The following CCDC22 variants were observed in gnomAD, a reference collection of about 807,000 sequenced individuals.
The protein encoded by CCDC22 is coiled-coil domain-containing protein 22.
A neutral mutation model predicts 53.1 loss-of-function variants in CCDC22; 4 were observed. The observed-to-expected ratio is 0.08, with a 90% CI of 0.04 to 0.17. The LOEUF (loss-of-function observed/expected upper bound fraction) is 0.17. CCDC22 is among the 10% of genes least tolerant of loss of function. The pLI is 1.00. For missense variants in CCDC22, 458 were observed against 554.0 expected (o/e 0.83, Z 1.74); for synonymous variants, 222 against 224.4 (o/e 0.99, Z 0.10).
intron 1 of CCDC22, among the ~76,000 whole-genome samples, chrX:49,236,552 C>T (rs1557112750): frequency 9.0e-6 from 1 of 110,786 alleles, no homozygotes; most frequent in African/African-American, 3.3e-5. Context: ...ATTTGGTCAC[C>T]CTGACGCACG....
At chrX:49,239,473 C>T in intron 2 of CCDC22, 7 of 740,935 alleles carry the variant, frequency 9.4e-6, no homozygotes, top group Non-Finnish European at 1.1e-5. Context: ...TGAATGGAAA[C>T]ACTTTGAACT....
chrX:49,237,759 C>G (rs1194629598), intron 2 of CCDC22, among the ~76,000 whole-genome samples: 2 of 94,141 alleles, frequency 2.1e-5, no homozygotes, highest in Non-Finnish European at 4.3e-5. Flanking sequence ...ATGGTCATTC[C>G]TTTTTTTTTT....
Position 49,242,899 on chromosome X carries a change from T to C in CCDC22, c.375T>C (p.Ile125=). Residue 125 remains isoleucine (I), a synonymous_variant, in exon 4 of 17, where the codon ATT becomes ATC. Transcript: ENST00000376227. ...TATCCCCCATAGGTGACTCAGCTAT[T>C]CTCCTCCGGGCCATTGGGAGCCAAA... The part of the protein sequence containing the change: ...DADQPAGDSA[I]LLRAIGSQIR... The C allele has an allele frequency of 1.7e-6, 2 of 1,146,477 alleles. No homozygotes were observed. Among genetic ancestry groups the C allele is most frequent in the South Asian group, 4.2e-5 (2 of 47,422 alleles). The allele number at this position is 1,146,477 out of a possible 1,213,427, so 94.5% of individuals were successfully genotyped here. A position where few individuals can be genotyped will look rare whatever the true frequency, so the allele number is the denominator to read the frequency against.
chrX:49,239,279 C>T (rs1384654163), intron 2 of CCDC22: 1 of 155,279 alleles, frequency 6.4e-6, no homozygotes, highest in Non-Finnish European at 1.1e-5. Context: ...GCGTCTGGCT[C>T]TCTTAACCTT....
chrX:49,235,859 A>G (rs868965690), intron 1 of CCDC22, among the ~76,000 whole-genome samples, 173 bp downstream of exon 1: 17 of 75,461 alleles, frequency 2.3e-4, no homozygotes, highest in Non-Finnish European at 4.1e-4. Flanking sequence ...ACACACACAC[A>G]CACACGCACA....
intron 7 of CCDC22, chrX:49,247,193 T>C: frequency 2.3e-6 from 1 of 436,740 alleles, no homozygotes; most frequent in Non-Finnish European, 4.0e-6. Context: ...CCTTTGAGCA[T>C]ATCTTCTGTC....
chrX:49,248,464 C>T lies in CCDC22; in HGVS notation c.1270C>T (p.His424Tyr), dbSNP rs1475067406. ...VIHLAGQWEK[H>Y]RVPLLAEYRH... ...CCACTTGGCGGGTCAGTGGGAGAAG[C>T]ACCGGGTCCCACTCCTCGCTGAGTA... Residue 424 changes from histidine (H) to tyrosine (Y), a missense_variant, in exon 11 of 17, where the codon CAC becomes TAC. Transcript: ENST00000376227. 4 of 1,208,290 alleles carry T rather than the reference C, an allele frequency of 3.3e-6. No individual in the cohort carries two copies. Among genetic ancestry groups the T allele is most frequent in the Admixed American group, 2.2e-5 (1 of 45,788 alleles).
chrX:49,238,075 C>CTTTTTTT (rs58787414), intron 2 of CCDC22, among the ~76,000 whole-genome samples: 1 of 84,374 alleles, frequency 1.2e-5, no homozygotes, highest in African/African-American at 4.6e-5. Context: ...TTCTTTTTTT[C>CTTTTTTT]TTTTTTTTTT....
At chrX:49,244,981 C>T (rs1336315348) in intron 6 of CCDC22, among the ~76,000 whole-genome samples, 3 of 110,811 alleles carry the variant, frequency 2.7e-5, no homozygotes, top group East Asian at 2.8e-4. Context: ...TCTGTCCCCT[C>T]CTTCTCTCTG....
In CCDC22 at chrX:49,243,576, G is replaced by A. The variant is rs868913508; in HGVS notation, c.714+114G>A. ...CTCCCTTCCATTGTTTCCCCTCTGT[G>A]TGTGCTTACCTAGCTCCCCACCTGA... On this transcript the variant is annotated intron_variant, in intron 6 of 16. Transcript: ENST00000376227. 9.7e-6 allele frequency: 6 copies of A among 621,546 alleles called. No homozygotes were observed. The African/African-American group carries it at 1.2e-4, about 12-fold the overall frequency. 51.2% of individuals were successfully genotyped at this position (621,546 alleles called of 1,213,427 possible).
rs782723167 is a variant in CCDC22, at chrX:49,237,759, C to CT, written c.228+514dup. On this transcript the variant is annotated intron_variant, in intron 2 of 16. Coordinates refer to ENST00000376227, the MANE Select transcript of CCDC22 (RefSeq NM_014008.5). The stretch of plus-strand genomic sequence containing the variant: ...CCCAGTCTGGATGACATGGTCATTC[C>CT]TTTTTTTTTTTTTTTTTTGAGATGG... Among the ~76,000 whole-genome samples the CT allele has an allele frequency of 8.6e-3, 809 of 94,053 alleles. 10 individuals are homozygous for CT. Among genetic ancestry groups the CT allele is most frequent in the African/African-American group, 0.02 (523 of 25,674 alleles). The allele number at this position is 94,053 out of a possible 115,157, so 81.7% of individuals were successfully genotyped here.
chrX:49,237,759 C>CTT (rs782723167), intron 2 of CCDC22, among the ~76,000 whole-genome samples: 11 of 94,113 alleles, frequency 1.2e-4, no homozygotes, highest in Middle Eastern at 5.4e-3. Flanking sequence ...ATGGTCATTC[C>CTT]TTTTTTTTTT....
In CCDC22 at chrX:49,249,551, C is replaced by G. The variant is rs1557115029; in HGVS notation, c.1678C>G (p.Leu560Val). 3 of 1,166,081 alleles carry G rather than the reference C, an allele frequency of 2.6e-6. No homozygotes were observed. In the Admixed American group the frequency reaches 7.1e-5, roughly 28 times the overall value. ...DDAVRKAYKY[L>V]AALHENCSQL... ...TGCTGTTCGGAAGGCCTATAAGTATCTAGCTGCTCTGCACGAGGTGAGGGG... is the reference window on the plus strand; with the variant it reads ...TGCTGTTCGGAAGGCCTATAAGTATGTAGCTGCTCTGCACGAGGTGAGGGG... The change falls in exon 15 of 17, where the codon CTA becomes GTA. Residue 560 changes from leucine to valine, a missense_variant. By Grantham distance (32) the Leu-to-Val change is conservative. Coordinates refer to ENST00000376227, the MANE Select transcript of CCDC22 (RefSeq NM_014008.5).
chrX:49,240,254 A>AT (rs1414160161), intron 2 of CCDC22, among the ~76,000 whole-genome samples: 4 of 21,058 alleles, frequency 1.9e-4, no homozygotes, highest in Non-Finnish European at 6.9e-4. Flanking sequence ...CCCCATCTCC[A>AT]AAAAAAAAAA....
At chrX:49,243,650 C>A (rs2065975247) in intron 6 of CCDC22, among the ~76,000 whole-genome samples, 188 bp downstream of exon 6, 1 of 112,504 alleles carries the variant, frequency 8.9e-6, no homozygotes, top group Admixed American at 9.4e-5. Context: ...AGTCAGTATC[C>A]CTCCTCAGAG....
intron 15 of CCDC22, 24 bp downstream of exon 15, chrX:49,249,592 G>A (rs1412093323): frequency 8.4e-7 from 1 of 1,183,878 alleles, no homozygotes. Flanking sequence ...TGTGCCTGGG[G>A]TGGGGCTGCT....
At chrX:49,236,582 GC>G (rs1289438802) in intron 1 of CCDC22, among the ~76,000 whole-genome samples, 1 of 110,827 alleles carries the variant, frequency 9.0e-6, no homozygotes, top group African/African-American at 3.3e-5. Context: ...CCGTTCAGAG[GC>G]CCTAAAAACC....
chrX:49,235,478 C>T lies in CCDC22; in HGVS notation c.-159C>T. On this transcript the variant is annotated 5_prime_UTR_variant, in exon 1 of 17. Transcript: ENST00000376227. ...CACTCACCCCAGGCCTCACATCCGG[C>T]ATGCGCCGTGCTCGCTCACAGAACT... The T allele has an allele frequency of 1.9e-6, 1 of 525,581 alleles. No homozygotes were observed. Among genetic ancestry groups the T allele is most frequent in the Non-Finnish European group, 3.4e-6 (1 of 296,211 alleles). The allele number at this position is 525,581 out of a possible 1,213,427, so 43.3% of individuals were successfully genotyped here.
intron 9 of CCDC22, 122 bp from the exon 10 acceptor site, chrX:49,248,069 T>C (rs2066000106): frequency 8.8e-7 from 1 of 1,134,813 alleles, no homozygotes; most frequent in African/African-American, 1.8e-5. Flanking sequence ...GATTAGGGGG[T>C]CCTCGGGGTC....
Sources: gnomAD v4.1 joint callset for allele counts (sites outside exome capture counted in the v4.1 genomes callset) on GRCh38, gnomAD v4.1.1 for gene constraint, MANE v1.5 for transcripts, NCBI Gene and HGNC (gene_info 2026-07-23, HGNC 2026-07-21) for gene names.